Variants in GLRA1 observed in about 807,000 individuals in gnomAD.
GLRA1 encodes glycine receptor subunit alpha-1.
Under a neutral mutation model 48.3 loss-of-function variants are expected in GLRA1, and 37 were observed. The ratio of observed to expected loss-of-function variants is 0.77; its 90% CI spans 0.59 to 1.01. GLRA1 has a LOEUF of 1.01. Among genes scored for constraint, GLRA1 ranks in the 50% least tolerant of loss-of-function variants. The pLI is 0.00. For synonymous variants in GLRA1, 196 were observed against 210.7 expected, an observed-to-expected ratio of 0.93 and a Z score of 0.60; for missense variants, 427 against 571.0, an observed-to-expected ratio of 0.75 and a Z score of 2.57.
rs750346568 is a variant in GLRA1, at chr5:151,822,699, G to C, written c.1324C>G (p.Arg442Gly). 6.2e-7 allele frequency: 1 copy of C among 1,613,428 alleles called. No homozygotes were observed. The highest frequency in any genetic ancestry group is 8.5e-7 in the Non-Finnish European group (1 of 1,179,468). Reference protein sequence around the residue: ...MFYWIIYKIVRREDVHNQ With the variant: ...MFYWIIYKIVGREDVHNQ The stretch of plus-strand genomic sequence containing the variant: ...CACTGGTTGTGGACGTCCTCTCTAC[G>C]GACAATCTTGTAGATGATCCAGTAG... The change falls in exon 9 of 9, where the codon CGT becomes GGT. Residue 442 changes from arginine (R) to glycine (G), a missense_variant. Coordinates refer to ENST00000274576, the MANE Select transcript of GLRA1 (RefSeq NM_000171.4).
chr5:151,825,873 A>G (rs1763257355), intron 8 of GLRA1, among the ~76,000 whole-genome samples: 1 of 152,322 alleles, frequency 6.6e-6, no homozygotes, highest in Non-Finnish European at 1.5e-5. Flanking sequence ...TCCCTTCTGC[A>G]AACTTCCTGT....
chr5:151,867,120 T>C (rs185305600), intron 3 of GLRA1, among the ~76,000 whole-genome samples: 8 of 151,832 alleles, frequency 5.3e-5, no homozygotes, highest in Non-Finnish European at 1.0e-4. Context: ...CAAAAATAAA[T>C]ACATAAATAA....
At chr5:151,867,374 A>C (rs1753364676) in intron 3 of GLRA1, among the ~76,000 whole-genome samples, 1 of 152,128 alleles carries the variant, frequency 6.6e-6, no homozygotes, top group Non-Finnish European at 1.5e-5. Flanking sequence ...TCTTTGAGAT[A>C]AGGGTAAGAC....
chr5:151,856,213 G>A, intron 5 of GLRA1, 88 bp downstream of exon 5: 3 of 854,856 alleles, frequency 3.5e-6, no homozygotes, highest in South Asian at 2.7e-5. Context: ...GGGTCTAGTG[G>A]TTAGGAGCAG....
intron 1 of GLRA1, among the ~76,000 whole-genome samples, chr5:151,916,022 T>C (rs1203796611): frequency 6.6e-6 from 1 of 152,172 alleles, no homozygotes; most frequent in East Asian, 1.9e-4. Flanking sequence ...GTTATTAGAC[T>C]GAAAGCTGTA....
At chr5:151,895,625 CTGTGTG>C (rs67871185) in intron 1 of GLRA1, among the ~76,000 whole-genome samples, 1,902 of 146,358 alleles carry the variant, frequency 0.013, 30 homozygotes, top group African/African-American at 0.04. Context: ...GTGTGTGTGT[CTGTGTG>C]TGTGTGTGTG....
rs1763353466 is a variant in GLRA1, at chr5:151,829,085, G to A, written c.913-18C>T. On this transcript the variant is annotated intron_variant, in intron 7 of 8. Coordinates refer to ENST00000274576, the MANE Select transcript of GLRA1 (RefSeq NM_000171.4). ...TAGGACACCTAGAGTGGGGGTGGAG[G>A]AGAAACAGGGAGGTGAAAGCAGGGG... 2 of 1,612,646 alleles carry A rather than the reference G, an allele frequency of 1.2e-6. No homozygotes were observed. The highest frequency in any genetic ancestry group is 1.7e-6 in the Non-Finnish European group (2 of 1,179,366).
At chr5:151,866,373 C>G (rs920321697) in intron 3 of GLRA1, among the ~76,000 whole-genome samples, 3 of 152,326 alleles carry the variant, frequency 2.0e-5, no homozygotes, top group African/African-American at 2.4e-5. Context: ...ACCTCTACCC[C>G]CACTGTGCCT....
At chr5:151,844,933 G>A (rs1474527931) in intron 7 of GLRA1, among the ~76,000 whole-genome samples, 1 of 152,320 alleles carries the variant, frequency 6.6e-6, no homozygotes, top group East Asian at 1.9e-4. Flanking sequence ...AAAGTGAAGG[G>A]AAGCCATCAT....
intron 1 of GLRA1, among the ~76,000 whole-genome samples, chr5:151,906,827 AT>A (rs1754483602): frequency 6.6e-6 from 1 of 152,160 alleles, no homozygotes; most frequent in South Asian, 2.1e-4. Flanking sequence ...GGTCTTTCTA[AT>A]TTTATAGTTT....
chr5:151,875,566 G>C (rs755895432), intron 3 of GLRA1: 5 of 152,142 alleles, frequency 3.3e-5, no homozygotes, highest in African/African-American at 1.2e-4. Context: ...GACCAAGGTC[G>C]TTCTTGTGAC....
At chr5:151,920,086 G>A (rs1269887848) in intron 1 of GLRA1, among the ~76,000 whole-genome samples, 2 of 152,230 alleles carry the variant, frequency 1.3e-5, no homozygotes, top group Non-Finnish European at 2.9e-5. Flanking sequence ...TGTGCCTGCA[G>A]AGTGTTTAGT....
Position 151,863,126 on chromosome 5 carries a change from G to C in GLRA1, c.253-3118C>G, listed in dbSNP as rs532148699. ...TTTCCATTAAGAAAGTTTTTGGTCAGGAGCGATGGCTCATGCCTGTAATCC... is the reference window on the plus strand; with the variant it reads ...TTTCCATTAAGAAAGTTTTTGGTCACGAGCGATGGCTCATGCCTGTAATCC... On this transcript the variant is annotated intron_variant, in intron 3 of 8. Coordinates refer to ENST00000274576, the MANE Select transcript of GLRA1 (RefSeq NM_000171.4). Among the ~76,000 whole-genome samples, 9 of 152,356 alleles carry C rather than the reference G, an allele frequency of 5.9e-5. No individual in the cohort carries two copies. In the South Asian group the frequency reaches 1.9e-3, roughly 32 times the overall value.
intron 7 of GLRA1, among the ~76,000 whole-genome samples, chr5:151,832,444 G>A (rs1763447641): frequency 6.6e-6 from 1 of 152,046 alleles, no homozygotes; most frequent in South Asian, 2.1e-4. Context: ...CAAGCTTAGA[G>A]AAGAATATAA....
At chr5:151,902,069 G>T (rs558919134) in intron 1 of GLRA1, among the ~76,000 whole-genome samples, 5 of 152,170 alleles carry the variant, frequency 3.3e-5, no homozygotes, top group Admixed American at 1.3e-4. Flanking sequence ...TTATAACTGA[G>T]AATTTTGGAG....
intron 3 of GLRA1, among the ~76,000 whole-genome samples, chr5:151,875,102 T>C (rs995008233): frequency 6.6e-6 from 1 of 152,160 alleles, no homozygotes; most frequent in African/African-American, 2.4e-5. Flanking sequence ...GATCCCAGGA[T>C]AGGTTGACTT....
intron 7 of GLRA1, among the ~76,000 whole-genome samples, chr5:151,846,213 A>G (rs1752670283): frequency 3.9e-5 from 6 of 152,226 alleles, no homozygotes; most frequent in Admixed American, 2.0e-4. Context: ...AATGCTTAAA[A>G]AGGCAAATAA....
intron 1 of GLRA1, among the ~76,000 whole-genome samples, chr5:151,904,361 A>G (rs1470977125): frequency 6.6e-6 from 1 of 152,160 alleles, no homozygotes; most frequent in Non-Finnish European, 1.5e-5. Context: ...AGAGGCAAAG[A>G]GAAGCAACCT....
At chr5:151,838,234 G>A (rs1763624274) in intron 7 of GLRA1, among the ~76,000 whole-genome samples, 2 of 152,156 alleles carry the variant, frequency 1.3e-5, no homozygotes, top group Non-Finnish European at 2.9e-5. Flanking sequence ...TTGGGAGGCT[G>A]AGGCAGGTAG....
Sources: allele counts gnomAD v4.1 joint callset (sites outside exome capture counted in the v4.1 genomes callset), GRCh38; gene constraint gnomAD v4.1.1; transcripts MANE v1.5; gene names NCBI Gene and HGNC (gene_info 2026-07-23, HGNC 2026-07-21).